Variants in CEP63 observed in about 807,000 individuals in gnomAD.
CEP63 encodes centrosomal protein 63.
Under a neutral mutation model 89.1 loss-of-function variants are expected in CEP63, and 84 were observed. That is an observed-to-expected ratio of 0.94 (90% CI 0.79 to 1.13). The LOEUF (loss-of-function observed/expected upper bound fraction) is 1.13. Ranked by LOEUF, CEP63 falls within the 50% of genes most tolerant of loss-of-function variation. CEP63 has a pLI of 0.00. For missense variants in CEP63, 838 were observed against 813.3 expected (o/e 1.03, Z -0.37); for synonymous variants, 267 against 272.5 (o/e 0.98, Z 0.20).
At chr3:134,610,927 AC>A in the CEP63 span, among the ~76,000 whole-genome samples, 3 of 152,050 alleles carry the variant, frequency 2.0e-5, no homozygotes, top group African/African-American at 4.8e-5. Context: ...GCCAAGCCCT[AC>A]CCCCCTGCTA....
the CEP63 span, among the ~76,000 whole-genome samples, chr3:134,726,077 A>G: frequency 6.6e-6 from 1 of 152,240 alleles, no homozygotes; most frequent in Non-Finnish European, 1.5e-5. Flanking sequence ...GGGTAAGTGT[A>G]TTGATAGCCT....
chr3:134,651,736 C>A, the CEP63 span: 1 of 538,836 alleles, frequency 1.9e-6, no homozygotes, highest in Non-Finnish European at 2.4e-6. Context: ...AAGCCTGGCT[C>A]CTGCCCTGTG....
At chr3:134,572,267 T>G (rs1958039380) in intron 11 of CEP63, among the ~76,000 whole-genome samples, 1 of 152,186 alleles carries the variant, frequency 6.6e-6, no homozygotes, top group African/African-American at 2.4e-5. Context: ...ATTTCAACTT[T>G]TATTTTAAAT....
At chr3:134,573,941 C>A (rs1958122376) in intron 11 of CEP63, among the ~76,000 whole-genome samples, 2 of 152,172 alleles carry the variant, frequency 1.3e-5, no homozygotes, top group African/African-American at 4.8e-5. Flanking sequence ...GCATTTAGGG[C>A]AAGCCTGGGA....
chr3:134,559,484 TTTTTA>T (rs1486517629), intron 14 of CEP63, 55 bp downstream of exon 14: 4 of 1,518,888 alleles, frequency 2.6e-6, no homozygotes, highest in Non-Finnish European at 3.6e-6. Flanking sequence ...TTGCTTTGAT[TTTTTA>T]TTTTAAGGGT....
At chr3:134,694,481 T>C in the CEP63 span, among the ~76,000 whole-genome samples, 1 of 152,244 alleles carries the variant, frequency 6.6e-6, no homozygotes. Context: ...TTCACTCTTC[T>C]TCATTCCAGC....
At chr3:134,626,849 A>G in the CEP63 span, among the ~76,000 whole-genome samples, 3 of 152,170 alleles carry the variant, frequency 2.0e-5, no homozygotes. Context: ...GACTGGGGAT[A>G]CTCAGGCAGG....
At chr3:134,695,855 G>A in the CEP63 span, among the ~76,000 whole-genome samples, 1 of 152,216 alleles carries the variant, frequency 6.6e-6, no homozygotes, top group Non-Finnish European at 1.5e-5. Context: ...GTGCTTATGT[G>A]TACTAACTCA....
chr3:134,609,173 T>TC, the CEP63 span, among the ~76,000 whole-genome samples: 1 of 151,994 alleles, frequency 6.6e-6, no homozygotes, highest in East Asian at 1.9e-4. Context: ...CGCAGTGGGG[T>TC]CGTGGGAAGG....
At chr3:134,514,077 T>C (rs1576942566) in intron 3 of CEP63, among the ~76,000 whole-genome samples, 1 of 152,188 alleles carries the variant, frequency 6.6e-6, no homozygotes, top group African/African-American at 2.4e-5. Flanking sequence ...TTTGTCATTA[T>C]CATGCACACA....
At chr3:134,517,460 T>C (rs1394497621) in intron 3 of CEP63, among the ~76,000 whole-genome samples, 1 of 152,192 alleles carries the variant, frequency 6.6e-6, no homozygotes, top group Non-Finnish European at 1.5e-5. Context: ...AACAGCATGA[T>C]CAGCGAACTT....
chr3:134,617,571 A>G, the CEP63 span, among the ~76,000 whole-genome samples: 5 of 152,252 alleles, frequency 3.3e-5, no homozygotes, highest in Non-Finnish European at 5.9e-5. Context: ...TACCAGTGTT[A>G]GCTGTAAGTG....
At chr3:134,547,881 T>G (rs1426975196) in intron 9 of CEP63, among the ~76,000 whole-genome samples, 1 of 152,140 alleles carries the variant, frequency 6.6e-6, no homozygotes, top group Non-Finnish European at 1.5e-5. Flanking sequence ...AGTGCTGGGA[T>G]TACAGGCATG....
the CEP63 span, among the ~76,000 whole-genome samples, chr3:134,606,772 C>T: frequency 1.1e-4 from 16 of 151,966 alleles, no homozygotes; most frequent in Admixed American, 2.6e-4. Context: ...CTAGCCACCC[C>T]TGCAGACCTC....
the CEP63 span, among the ~76,000 whole-genome samples, chr3:134,715,752 C>A: frequency 6.6e-6 from 1 of 152,026 alleles, no homozygotes; most frequent in South Asian, 2.1e-4. Context: ...ACAATTGATG[C>A]ACTTCAAATT....
At chr3:134,683,056 A>G in the CEP63 span, among the ~76,000 whole-genome samples, 1 of 152,232 alleles carries the variant, frequency 6.6e-6, no homozygotes, top group Non-Finnish European at 1.5e-5. Context: ...GTTTGTGGAA[A>G]TGATGAGATA....
chr3:134,658,564 T>C, the CEP63 span, among the ~76,000 whole-genome samples: 4 of 152,324 alleles, frequency 2.6e-5, no homozygotes, highest in African/African-American at 9.6e-5. Flanking sequence ...CAACAAATGT[T>C]TGAATCAAAT....
chr3:134,513,704 A>G (rs1160344474), intron 3 of CEP63, among the ~76,000 whole-genome samples: 1 of 152,122 alleles, frequency 6.6e-6, no homozygotes, highest in African/African-American at 2.4e-5. Flanking sequence ...GTTTGGCTAA[A>G]GACCCTGAAA....
At chr3:134,580,070 C>T (rs1179715626) in intron 10 of CEP63, among the ~76,000 whole-genome samples, 1 of 152,024 alleles carries the variant, frequency 6.6e-6, no homozygotes, top group Non-Finnish European at 1.5e-5. Context: ...TGGTGGGTGC[C>T]TGTAATCCCA....
Sources: gnomAD v4.1 joint callset for allele counts (sites outside exome capture counted in the v4.1 genomes callset) on GRCh38, gnomAD v4.1.1 for gene constraint, MANE v1.5 for transcripts, NCBI Gene and HGNC (gene_info 2026-07-23, HGNC 2026-07-21) for gene names.